SGO1: variants seen among roughly 807,000 people sequenced by gnomAD.
SGO1 encodes the protein shugoshin 1.
Under a neutral mutation model 50.5 loss-of-function variants are expected in SGO1, and 39 were observed. That is an observed-to-expected ratio of 0.77 (90% CI 0.60 to 1.01). The LOEUF is 1.01. Ranked by LOEUF, SGO1 falls within the 50% of genes least tolerant of loss-of-function variation. SGO1 has a pLI of 0.00. For missense variants in SGO1, 638 were observed against 606.0 expected (o/e 1.05, Z -0.55); for synonymous variants, 191 against 205.1 (o/e 0.93, Z 0.59).
At chr3:20,185,170 G>A (rs980500534) in intron 1 of SGO1, among the ~76,000 whole-genome samples, 2 of 152,158 alleles carry the variant, frequency 1.3e-5, no homozygotes, top group African/African-American at 2.4e-5. Context: ...GTTCCTAGCA[G>A]AGATAGGGTA....
At position 20,171,263 on chromosome 3, in the gene SGO1, A is replaced by T. The variant is rs202135893; in HGVS notation, c.1283-31T>A. On this transcript the variant is annotated intron_variant, in intron 6 of 7. Transcript: ENST00000412997. The stretch of plus-strand genomic sequence containing the variant: ...AAACAATTTTTACTGAATATGATTT[A>T]AAAAAAAAAACCCACACAAAAACTT... The T allele has an allele frequency of 1.4e-3, 1,294 of 939,148 alleles. 5 individuals are homozygous for T. The African/African-American group carries it at 0.019, about 14-fold the overall frequency. The allele number at this position is 939,148 out of a possible 1,614,324, so 58.2% of individuals were successfully genotyped here. A position where few individuals can be genotyped will look rare whatever the true frequency, so the allele number is the denominator to read the frequency against.
At chr3:20,180,624 T>C (rs1181707817) in intron 3 of SGO1, among the ~76,000 whole-genome samples, 2 of 152,250 alleles carry the variant, frequency 1.3e-5, no homozygotes, top group Middle Eastern at 6.8e-3. Flanking sequence ...CAGGGGCCAT[T>C]CTGCCACTGT....
intron 6 of SGO1, 52 bp from the exon 7 acceptor site, chr3:20,171,284 A>C: frequency 7.0e-7 from 1 of 1,431,524 alleles, no homozygotes; most frequent in Non-Finnish European, 9.4e-7. Context: ...CCCACACAAA[A>C]ACTTAAATTG....
intron 3 of SGO1, among the ~76,000 whole-genome samples, chr3:20,181,774 G>A (rs1559372915): frequency 6.6e-6 from 1 of 152,104 alleles, no homozygotes; most frequent in Non-Finnish European, 1.5e-5. Flanking sequence ...ATTACATTCT[G>A]GAAAAGAAAA....
Position 20,170,761 on chromosome 3 carries a change from A to G in SGO1, c.1527T>C (p.Ile509=), listed in dbSNP as rs1700635176. 2.5e-6 allele frequency: 4 copies of G among 1,596,076 alleles called. No individual in the cohort carries two copies. The highest frequency in any genetic ancestry group is 3.4e-6 in the Non-Finnish European group (4 of 1,176,030). The part of the protein sequence containing the change: ...FTDLCFLNSP[I]FKQKKDLRRS... ...GTCTCAAATCCTTTTTCTGCTTGAA[A>G]ATAGGAGAATTCAAAAAACACAAAT... Residue 509 remains isoleucine, a synonymous_variant, in exon 8 of 8, where the codon ATT becomes ATC. Coordinates refer to ENST00000412997, the MANE Select transcript of SGO1 (RefSeq NM_001199251.3).
At chr3:20,167,489 T>G (rs559718565), downstream of SGO1, among the ~76,000 whole-genome samples, 1 of 152,244 alleles carries the variant, frequency 6.6e-6, no homozygotes, top group South Asian at 2.1e-4. Flanking sequence ...ATCCATAGTT[T>G]TACATTCTAT....
At chr3:20,175,919 G>A (rs1042918842) in intron 5 of SGO1, among the ~76,000 whole-genome samples, 5 of 152,202 alleles carry the variant, frequency 3.3e-5, no homozygotes, top group Admixed American at 2.0e-4. Flanking sequence ...TGGGACAAAT[G>A]AGAAAGTGGG....
At chr3:20,166,946 A>T (rs1169580536), downstream of SGO1, among the ~76,000 whole-genome samples, 1 of 151,758 alleles carries the variant, frequency 6.6e-6, no homozygotes, top group Non-Finnish European at 1.5e-5. Context: ...GTTTGAGGCT[A>T]CAGTGAGTTA....
At chr3:20,184,582 C>T (rs967798337) in intron 1 of SGO1, among the ~76,000 whole-genome samples, 5 of 152,152 alleles carry the variant, frequency 3.3e-5, no homozygotes, top group African/African-American at 7.2e-5. Context: ...TCAAGAAAGT[C>T]AAGGTACTCC....
chr3:20,163,030 A>G (rs545736004), intron 8 of SGO1, among the ~76,000 whole-genome samples: 1 of 152,158 alleles, frequency 6.6e-6, no homozygotes, highest in Non-Finnish European at 1.5e-5. Context: ...ATACATTAAA[A>G]TAAGAGAAGT....
At chr3:20,172,463 T>C (rs1484574417) in intron 6 of SGO1, among the ~76,000 whole-genome samples, 1 of 140,846 alleles carries the variant, frequency 7.1e-6, no homozygotes, top group Admixed American at 7.6e-5. Context: ...ATCGTGCCAC[T>C]GCACTGTAGC....
chr3:20,179,972 C>A (rs1701823294), intron 3 of SGO1, among the ~76,000 whole-genome samples: 1 of 152,058 alleles, frequency 6.6e-6, no homozygotes, highest in Non-Finnish European at 1.5e-5. Flanking sequence ...CATGCAGTGA[C>A]AACAGAATGG....
At chr3:20,179,137 T>C (rs899313658) in intron 3 of SGO1, among the ~76,000 whole-genome samples, 2 of 152,236 alleles carry the variant, frequency 1.3e-5, no homozygotes, top group East Asian at 3.9e-4. Flanking sequence ...GAGGAAAGCC[T>C]CTTGTGGTTT....
upstream of SGO1, chr3:20,186,386 TCTCGGCGACCCG>T (rs1393911210): frequency 6.6e-6 from 1 of 152,318 alleles, no homozygotes; most frequent in Non-Finnish European, 1.5e-5. Context: ...TGCGGTCGGG[TCTCGGCGACCCG>T]CCGGGACTTT....
chr3:20,168,184 C>T (rs1234917475), downstream of SGO1, among the ~76,000 whole-genome samples: 1 of 152,066 alleles, frequency 6.6e-6, no homozygotes, highest in Non-Finnish European at 1.5e-5. Flanking sequence ...TAATGATTGA[C>T]TTTGGGGATG....
downstream of SGO1, among the ~76,000 whole-genome samples, chr3:20,168,300 T>C (rs968618373): frequency 1.1e-4 from 16 of 152,178 alleles, no homozygotes; most frequent in African/African-American, 3.9e-4. Context: ...CAAACTTTTT[T>C]GGTAAAGACC....
At chr3:20,165,152 T>C (rs1029903980), downstream of SGO1, among the ~76,000 whole-genome samples, 4 of 152,178 alleles carry the variant, frequency 2.6e-5, no homozygotes, top group South Asian at 2.1e-4. Flanking sequence ...CTTCCACTCA[T>C]GGTAGAAGGC....
intron 4 of SGO1, among the ~76,000 whole-genome samples, chr3:20,177,642 T>C (rs1235476830): frequency 2.6e-5 from 4 of 152,202 alleles, no homozygotes; most frequent in Non-Finnish European, 5.9e-5. Context: ...TGGCCCACAA[T>C]GTTAACAGTG....
downstream of SGO1, among the ~76,000 whole-genome samples, chr3:20,168,164 G>T (rs940423413): frequency 6.6e-6 from 1 of 152,172 alleles, no homozygotes. Flanking sequence ...ATTCAACACT[G>T]ATTTTAGGAT....
Sources: allele counts gnomAD v4.1 joint callset (sites outside exome capture counted in the v4.1 genomes callset), GRCh38; gene constraint gnomAD v4.1.1; transcripts MANE v1.5; gene names NCBI Gene and HGNC (gene_info 2026-07-23, HGNC 2026-07-21).